ZC3H12B: variants seen among roughly 807,000 people sequenced by gnomAD.
The protein encoded by ZC3H12B is probable ribonuclease ZC3H12B.
ZC3H12B carries 7 observed loss-of-function variants against 43.9 expected under a neutral mutation model. The observed-to-expected ratio is 0.16, with a 90% confidence interval of 0.09 to 0.30. The LOEUF is 0.30. ZC3H12B is among the 10% of genes least tolerant of loss of function. ZC3H12B has a pLI of 1.00. For missense variants in ZC3H12B, 475 were observed against 670.2 expected (o/e 0.71, Z 3.22); for synonymous variants, 222 against 241.7 (o/e 0.92, Z 0.76).
At chrX:65,468,866 T>C (rs1230785988) in intron 3 of ZC3H12B, among the ~76,000 whole-genome samples, 2 of 109,466 alleles carry the variant, frequency 1.8e-5, no homozygotes, top group Non-Finnish European at 3.8e-5. Flanking sequence ...TCTTTTTTTT[T>C]CCTTATTTGT....
the ZC3H12B span, among the ~76,000 whole-genome samples, chrX:65,226,480 G>A: frequency 2.7e-5 from 3 of 111,433 alleles, no homozygotes; most frequent in Admixed American, 1.9e-4. Context: ...CAACTAATGA[G>A]CAAAATAACC....
chrX:65,439,886 C>G (rs2067279149), intron 3 of ZC3H12B, among the ~76,000 whole-genome samples: 1 of 109,814 alleles, frequency 9.1e-6, no homozygotes, highest in African/African-American at 3.3e-5. Flanking sequence ...GGGGATCCTT[C>G]CGGAGTCTCT....
rs1432661285 is a variant in ZC3H12B, at chrX:65,506,832, T to C, written c.*3623T>C. On this transcript the variant is annotated 3_prime_UTR_variant, in exon 5 of 5. Transcript: ENST00000338957. ...AAAAGAAGCCTTTTCAAAGGTAATA[T>C]CGAGCCATTGCACTCTCTCTTAAGG... The C allele has an allele frequency of 1.8e-4, 20 of 110,870 alleles. No homozygotes were observed. In the Admixed American group the frequency reaches 1.9e-3, roughly 11 times the overall value. 9.1% of individuals were successfully genotyped at this position (110,870 alleles called of 1,213,427 possible).
chrX:65,149,747 G>C, the ZC3H12B span, among the ~76,000 whole-genome samples: 2 of 100,973 alleles, frequency 2.0e-5, no homozygotes, highest in African/African-American at 7.0e-5. Context: ...CTGGGCCACA[G>C]AGTGAGACTT....
At chrX:65,059,453 T>C in the ZC3H12B span, among the ~76,000 whole-genome samples, 2 of 111,297 alleles carry the variant, frequency 1.8e-5, no homozygotes, top group African/African-American at 3.3e-5. Flanking sequence ...TATCCAGTTT[T>C]CCCAGCACCG....
At chrX:65,480,713 G>A (rs1044546442) in intron 3 of ZC3H12B, among the ~76,000 whole-genome samples, 1 of 110,732 alleles carries the variant, frequency 9.0e-6, no homozygotes, top group Non-Finnish European at 1.9e-5. Context: ...AGGCATGGTG[G>A]CGGATGTCTG....
chrX:65,250,494 T>C, the ZC3H12B span, among the ~76,000 whole-genome samples: 2 of 112,024 alleles, frequency 1.8e-5, no homozygotes, highest in Non-Finnish European at 3.8e-5. Context: ...TATTTCTAGA[T>C]CCTTGAGGAA....
intron 3 of ZC3H12B, among the ~76,000 whole-genome samples, chrX:65,482,436 C>T (rs754905673): frequency 1.8e-5 from 2 of 111,953 alleles, no homozygotes; most frequent in East Asian, 5.6e-4. Context: ...GGCCAGAGAA[C>T]ACACATTCAC....
the ZC3H12B span, among the ~76,000 whole-genome samples, chrX:65,266,500 A>C: frequency 2.9e-4 from 33 of 112,235 alleles, no homozygotes; most frequent in African/African-American, 5.8e-4. Context: ...ATCAGAATCA[A>C]CTTTTGCAAA....
At chrX:65,315,989 T>C in the ZC3H12B span, among the ~76,000 whole-genome samples, 4 of 111,822 alleles carry the variant, frequency 3.6e-5, no homozygotes, top group Non-Finnish European at 7.5e-5. Context: ...ACTGATCTGA[T>C]AGAGCTGAAA....
At chrX:65,209,576 G>T in the ZC3H12B span, among the ~76,000 whole-genome samples, 4 of 106,112 alleles carry the variant, frequency 3.8e-5, no homozygotes, top group Admixed American at 3.1e-4. Flanking sequence ...TTTTACATTT[G>T]CTGAGGAGAG....
At chrX:65,057,045 G>T in the ZC3H12B span, among the ~76,000 whole-genome samples, 12 of 111,810 alleles carry the variant, frequency 1.1e-4, no homozygotes, top group Non-Finnish European at 2.3e-4. Context: ...TATCCAATTT[G>T]CCAGTCTGTG....
chrX:65,233,336 T>C, the ZC3H12B span, among the ~76,000 whole-genome samples: 1 of 111,603 alleles, frequency 9.0e-6, no homozygotes, highest in African/African-American at 3.3e-5. Flanking sequence ...AAGGATAGGC[T>C]ATATGTTAGG....
At chrX:65,275,046 G>T in the ZC3H12B span, among the ~76,000 whole-genome samples, 1 of 112,226 alleles carries the variant, frequency 8.9e-6, no homozygotes, top group East Asian at 2.8e-4. Context: ...GCTGCCTGTG[G>T]TGGACACATC....
At chrX:65,214,341 T>G in the ZC3H12B span, among the ~76,000 whole-genome samples, 1 of 112,157 alleles carries the variant, frequency 8.9e-6, no homozygotes, top group South Asian at 3.7e-4. Context: ...CAGTCAAACT[T>G]CTTTCAAAAT....
intron 3 of ZC3H12B, among the ~76,000 whole-genome samples, chrX:65,448,715 G>A (rs2067416125): frequency 9.2e-6 from 1 of 109,261 alleles, no homozygotes; most frequent in Non-Finnish European, 1.9e-5. Context: ...TACTCGGGAG[G>A]CTGAGGAAGG....
chrX:65,375,872 G>A (rs2066339525), intron 2 of ZC3H12B, among the ~76,000 whole-genome samples: 1 of 111,717 alleles, frequency 9.0e-6, no homozygotes, highest in African/African-American at 3.3e-5. Flanking sequence ...TTTCAGCTGT[G>A]ATAGCTACAG....
intron 3 of ZC3H12B, among the ~76,000 whole-genome samples, chrX:65,465,917 T>C (rs760398535): frequency 2.0e-4 from 22 of 110,518 alleles, no homozygotes; most frequent in Admixed American, 1.6e-3. Context: ...TATATTCATA[T>C]ATATATGTAC....
the ZC3H12B span, among the ~76,000 whole-genome samples, chrX:65,351,107 C>G: frequency 8.9e-6 from 1 of 111,917 alleles, no homozygotes; most frequent in Admixed American, 9.5e-5. Context: ...TAGCATGGTA[C>G]TGGTACCAAA....
Sources: allele counts gnomAD v4.1 joint callset (sites outside exome capture counted in the v4.1 genomes callset), GRCh38; gene constraint gnomAD v4.1.1; transcripts MANE v1.5; gene names NCBI Gene and HGNC (gene_info 2026-07-23, HGNC 2026-07-21).